The following ITPR1 variants were observed in gnomAD, a reference collection of about 807,000 sequenced individuals.
The protein encoded by ITPR1 is inositol 1,4,5-trisphosphate-gated calcium channel ITPR1.
In ITPR1, 96 loss-of-function variants were observed where a neutral mutation model predicts 318.4. The observed-to-expected ratio is 0.30, with a 90% CI of 0.26 to 0.36. The LOEUF is 0.36. ITPR1 is among the 10% of genes least tolerant of loss of function. The pLI is 1.00. For missense variants in ITPR1, 2,440 were observed against 3,460.2 expected (o/e 0.71, Z 7.40); for synonymous variants, 1,312 against 1,289.9 (o/e 1.02, Z -0.37).
chr3:4,545,809 C>T (rs553470307), intron 4 of ITPR1, among the ~76,000 whole-genome samples: 27 of 151,344 alleles, frequency 1.8e-4, no homozygotes, highest in South Asian at 1.0e-3. Context: ...GTGATTCTCC[C>T]GCCTCAGCCT....
At chr3:4,637,006 C>A (rs1196016000) in intron 5 of ITPR1, among the ~76,000 whole-genome samples, 2 of 152,126 alleles carry the variant, frequency 1.3e-5, no homozygotes, top group Non-Finnish European at 2.9e-5. Context: ...TAAACTGAAG[C>A]CATTGGACAT....
intron 4 of ITPR1, among the ~76,000 whole-genome samples, chr3:4,610,873 T>G (rs73104463): frequency 0.15 from 20,732 of 138,160 alleles, 1,645 homozygotes; most frequent in African/African-American, 0.2. Context: ...TTCCCTTTCC[T>G]TTCCTCTCTC....
chr3:4,791,985 C>T (rs967635109), intron 52 of ITPR1, among the ~76,000 whole-genome samples: 4 of 152,200 alleles, frequency 2.6e-5, no homozygotes, highest in African/African-American at 7.2e-5. Flanking sequence ...AAAAGATTCT[C>T]GCTGGGCTAA....
chr3:4,798,248 A>G (rs530199059), intron 53 of ITPR1, among the ~76,000 whole-genome samples: 2 of 152,368 alleles, frequency 1.3e-5, no homozygotes, highest in South Asian at 4.1e-4. Context: ...GAACTCTTAC[A>G]ACTCAACAAT....
intron 60 of ITPR1, among the ~76,000 whole-genome samples, chr3:4,821,226 G>T (rs2049694835): frequency 6.6e-6 from 1 of 152,238 alleles, no homozygotes; most frequent in South Asian, 2.1e-4. Context: ...TTTAGGGTAT[G>T]TGGTCCTCAG....
At chr3:4,654,117 C>T (rs968095425) in intron 12 of ITPR1, among the ~76,000 whole-genome samples, 5 of 152,068 alleles carry the variant, frequency 3.3e-5, no homozygotes, top group East Asian at 1.9e-4. Context: ...TGTGTAGTAA[C>T]GGGGTCTCCA....
intron 4 of ITPR1, among the ~76,000 whole-genome samples, chr3:4,599,891 A>G (rs2091137160): frequency 6.6e-6 from 1 of 152,154 alleles, no homozygotes; most frequent in Non-Finnish European, 1.5e-5. Context: ...TGACGTATGT[A>G]TGAAACCGTG....
chr3:4,811,463 G>C lies in ITPR1; in HGVS notation c.7468+3G>C. The C allele has an allele frequency of 6.2e-7, 1 of 1,611,840 alleles. No individual in the cohort carries two copies. Among genetic ancestry groups the C allele is most frequent in the Non-Finnish European group, 8.5e-7 (1 of 1,178,682 alleles). ...GCCCAATGAAACAGCTGTTCCAGGT[G>C]GGTTTGGGATCTTCTGATCTTTTTA... On this transcript the variant is annotated splice_donor_region_variant and intron_variant, in intron 56 of 61. Transcript: ENST00000649015.
intron 20 of ITPR1, among the ~76,000 whole-genome samples, chr3:4,672,310 A>T (rs930759448): frequency 9.2e-5 from 14 of 152,228 alleles, no homozygotes; most frequent in African/African-American, 3.4e-4. Context: ...CTTGAATATC[A>T]TGATGCTTTT....
intron 52 of ITPR1, among the ~76,000 whole-genome samples, chr3:4,792,917 C>G (rs937813760): frequency 2.6e-5 from 4 of 152,028 alleles, no homozygotes; most frequent in Admixed American, 2.0e-4. Context: ...TGACACAAAG[C>G]GAGTGTGCAG....
intron 4 of ITPR1, among the ~76,000 whole-genome samples, chr3:4,560,473 GA>G (rs1369134071): frequency 6.6e-6 from 1 of 152,048 alleles, no homozygotes; most frequent in African/African-American, 2.4e-5. Context: ...AAGAAAGAAG[GA>G]AAAACCAAAT....
chr3:4,673,768 G>C (rs1278109188), intron 21 of ITPR1, among the ~76,000 whole-genome samples: 1 of 152,108 alleles, frequency 6.6e-6, no homozygotes, highest in Non-Finnish European at 1.5e-5. Context: ...ATTTTTAGTA[G>C]GGACGGGGTT....
chr3:4,523,994 A>C (rs978420242), intron 4 of ITPR1, among the ~76,000 whole-genome samples: 3 of 152,142 alleles, frequency 2.0e-5, no homozygotes, highest in South Asian at 4.1e-4. Flanking sequence ...CAGTGACTTG[A>C]TTTGTTGAGT....
intron 56 of ITPR1, 59 bp downstream of exon 56, chr3:4,811,519 G>T: frequency 1.1e-5 from 15 of 1,354,876 alleles, no homozygotes; most frequent in African/African-American, 2.9e-5. Flanking sequence ...GATTATAACT[G>T]AACTAAAGAA....
intron 4 of ITPR1, among the ~76,000 whole-genome samples, chr3:4,607,356 G>C (rs2091774760): frequency 6.6e-6 from 1 of 152,140 alleles, no homozygotes; most frequent in Non-Finnish European, 1.5e-5. Flanking sequence ...TGTGGTTGCA[G>C]GGCCGCTTGC....
rs1028933216 is a variant in ITPR1, at chr3:4,508,892, G to T, written c.-16-7584G>T. ...ATGCTGTCCAAGTATCAGCCACCTC[G>T]TGGGCTTACAGAGGATTTAAACATT... On this transcript the variant is annotated intron_variant, in intron 2 of 61. Transcript: ENST00000649015. Among the ~76,000 whole-genome samples, 5 of 152,286 alleles carry T rather than the reference G, an allele frequency of 3.3e-5. No individual in the cohort carries two copies. In the East Asian group the frequency reaches 7.7e-4, roughly 23 times the overall value.
chr3:4,659,315 A>T (rs1276334150), intron 13 of ITPR1, among the ~76,000 whole-genome samples: 1 of 152,216 alleles, frequency 6.6e-6, no homozygotes, highest in African/African-American at 2.4e-5. Flanking sequence ...TATTTTAAAC[A>T]TTTTTAACTG....
chr3:4,573,214 A>G (rs1022852218), intron 4 of ITPR1, among the ~76,000 whole-genome samples: 7 of 152,210 alleles, frequency 4.6e-5, no homozygotes, highest in Non-Finnish European at 7.3e-5. Context: ...AACAGTGTAC[A>G]AGGGTTCTAA....
chr3:4,737,775 A>G (rs1023405738), intron 44 of ITPR1, among the ~76,000 whole-genome samples: 1 of 152,236 alleles, frequency 6.6e-6, no homozygotes, highest in African/African-American at 2.4e-5. Flanking sequence ...AAGAGTTCAT[A>G]TCTTGGGAGA....
Sources: allele counts gnomAD v4.1 joint callset (sites outside exome capture counted in the v4.1 genomes callset), GRCh38; gene constraint gnomAD v4.1.1; transcripts MANE v1.5; gene names NCBI Gene and HGNC (gene_info 2026-07-23, HGNC 2026-07-21).